FHIP1A: variants seen among roughly 807,000 people sequenced by gnomAD.
FHIP1A encodes FHF complex subunit HOOK-interacting protein 1A.
A neutral mutation model predicts 88.6 loss-of-function variants in FHIP1A; 61 were observed. The ratio of observed to expected loss-of-function variants is 0.69; its 90% CI spans 0.56 to 0.85. The LOEUF is 0.85. Ranked by LOEUF, FHIP1A falls within the 40% of genes least tolerant of loss-of-function variation. The pLI, the probability that FHIP1A is intolerant of heterozygous loss-of-function variation, is 0.00. For synonymous variants in FHIP1A, 478 were observed against 496.0 expected, an observed-to-expected ratio of 0.96 and a Z score of 0.48; for missense variants, 1,154 against 1,273.5, an observed-to-expected ratio of 0.91 and a Z score of 1.43.
intron 2 of FHIP1A, among the ~76,000 whole-genome samples, chr4:151,477,882 AT>A (rs939590218): frequency 6.6e-6 from 1 of 152,162 alleles, no homozygotes; most frequent in African/African-American, 2.4e-5. Context: ...TTAGTGGGCA[AT>A]TGGCAAAATC....
At chr4:151,654,507 A>G (rs1382422433) in intron 11 of FHIP1A, among the ~76,000 whole-genome samples, 1 of 152,156 alleles carries the variant, frequency 6.6e-6, no homozygotes, top group African/African-American at 2.4e-5. Flanking sequence ...GACTCTGCCC[A>G]CCTAAGTATG....
intron 3 of FHIP1A, among the ~76,000 whole-genome samples, chr4:151,498,029 T>A (rs1365669522): frequency 1.3e-5 from 2 of 152,162 alleles, no homozygotes; most frequent in Non-Finnish European, 2.9e-5. Flanking sequence ...CCTCAATGTC[T>A]CCTCTTAGTA....
chr4:151,479,175 T>G (rs968517112), intron 2 of FHIP1A, among the ~76,000 whole-genome samples: 2 of 152,078 alleles, frequency 1.3e-5, no homozygotes, highest in African/African-American at 2.4e-5. Flanking sequence ...TGTTGAGGAA[T>G]TGTGAGCTTA....
chr4:151,597,456 T>G (rs961447891), intron 7 of FHIP1A, among the ~76,000 whole-genome samples: 6 of 152,128 alleles, frequency 3.9e-5, no homozygotes, highest in African/African-American at 1.4e-4. Context: ...CTGTATGAGG[T>G]GTCTGTGGAC....
At chr4:151,525,835 T>G (rs1030799020) in intron 3 of FHIP1A, among the ~76,000 whole-genome samples, 6 of 151,600 alleles carry the variant, frequency 4.0e-5, no homozygotes, top group South Asian at 4.2e-4. Context: ...CAGGACAATA[T>G]TGGAGGGAAG....
chr4:151,624,937 C>G (rs998694251), intron 7 of FHIP1A, among the ~76,000 whole-genome samples: 1 of 152,156 alleles, frequency 6.6e-6, no homozygotes, highest in Non-Finnish European at 1.5e-5. Context: ...AGAACCAGGG[C>G]GTCTGTCTTC....
chr4:151,595,126 AGT>A (rs1269562685), intron 7 of FHIP1A, among the ~76,000 whole-genome samples: 1 of 152,100 alleles, frequency 6.6e-6, no homozygotes, highest in Non-Finnish European at 1.5e-5. Flanking sequence ...TTAGGGTGTC[AGT>A]TTTAGATCTT....
At chr4:151,424,377 G>A (rs1733287295) in intron 1 of FHIP1A, among the ~76,000 whole-genome samples, 3 of 152,164 alleles carry the variant, frequency 2.0e-5, no homozygotes, top group African/African-American at 7.2e-5. Flanking sequence ...AAGAGCAGGA[G>A]GTGGTGTTTA....
intron 7 of FHIP1A, among the ~76,000 whole-genome samples, chr4:151,609,249 GA>G (rs1735202402): frequency 6.6e-6 from 1 of 152,200 alleles, no homozygotes; most frequent in African/African-American, 2.4e-5. Context: ...CTATGGGCAG[GA>G]GGGAAAAGAG....
At chr4:151,538,087 G>A (rs1732137892) in intron 3 of FHIP1A, among the ~76,000 whole-genome samples, 1 of 152,128 alleles carries the variant, frequency 6.6e-6, no homozygotes, top group Non-Finnish European at 1.5e-5. Flanking sequence ...AAACTTTGAG[G>A]GGTTTGTATT....
intron 11 of FHIP1A, among the ~76,000 whole-genome samples, chr4:151,653,579 C>G (rs1394304527): frequency 6.6e-6 from 1 of 152,160 alleles, no homozygotes; most frequent in African/African-American, 2.4e-5. Context: ...ATGAAAAGTA[C>G]TTAGCACATT....
intron 4 of FHIP1A, 29 bp downstream of exon 4, chr4:151,566,393 G>C (rs1213193851): frequency 1.4e-6 from 2 of 1,382,516 alleles, no homozygotes; most frequent in Middle Eastern, 3.5e-4. Context: ...TTTTTTTGCT[G>C]GTCTCAGTAA....
At chr4:151,587,489 C>G (rs1215306207) in intron 6 of FHIP1A, among the ~76,000 whole-genome samples, 2 of 150,262 alleles carry the variant, frequency 1.3e-5, no homozygotes, top group South Asian at 2.1e-4. Flanking sequence ...ATTAAGAAAT[C>G]AAGTTTTCTT....
chr4:151,426,392 T>A (rs1279629498), intron 1 of FHIP1A, among the ~76,000 whole-genome samples: 1 of 152,180 alleles, frequency 6.6e-6, no homozygotes, highest in African/African-American at 2.4e-5. Context: ...ACTGCAGATA[T>A]CCTGGCTAAT....
At chr4:151,534,075 A>G (rs1254945257) in intron 3 of FHIP1A, among the ~76,000 whole-genome samples, 1 of 152,214 alleles carries the variant, frequency 6.6e-6, no homozygotes, top group African/African-American at 2.4e-5. Context: ...TGATTAGTGT[A>G]ATTGTGAGAA....
intron 2 of FHIP1A, among the ~76,000 whole-genome samples, chr4:151,475,423 A>T (rs995558412): frequency 3.9e-5 from 6 of 152,324 alleles, no homozygotes; most frequent in African/African-American, 1.4e-4. Flanking sequence ...TTTCTATTTC[A>T]TGGGGGGTAG....
intron 3 of FHIP1A, among the ~76,000 whole-genome samples, chr4:151,560,117 T>G (rs1733114273): frequency 6.6e-6 from 1 of 152,206 alleles, no homozygotes; most frequent in Non-Finnish European, 1.5e-5. Context: ...GTTTATGAGA[T>G]TCATGGATGT....
chr4:151,588,024 C>A (rs1734284785), intron 6 of FHIP1A, among the ~76,000 whole-genome samples: 1 of 151,972 alleles, frequency 6.6e-6, no homozygotes, highest in Non-Finnish European at 1.5e-5. Flanking sequence ...GACTTTCTTT[C>A]TCTTTTTCAT....
chr4:151,420,615 T>C (rs527641936), intron 1 of FHIP1A, among the ~76,000 whole-genome samples: 10 of 152,248 alleles, frequency 6.6e-5, no homozygotes, highest in Non-Finnish European at 1.3e-4. Flanking sequence ...TTTAGTCATT[T>C]GCTGCCATCC....
Sources: gnomAD v4.1 joint callset for allele counts (sites outside exome capture counted in the v4.1 genomes callset) on GRCh38, gnomAD v4.1.1 for gene constraint, MANE v1.5 for transcripts, NCBI Gene and HGNC (gene_info 2026-07-23, HGNC 2026-07-21) for gene names.